Variants in AMOTL1 observed in about 807,000 individuals in gnomAD.
AMOTL1 encodes the protein angiomotin-like protein 1.
AMOTL1 carries 45 observed loss-of-function variants against 102.9 expected under a neutral mutation model. The observed-to-expected ratio is 0.44, with a 90% CI of 0.34 to 0.56. The LOEUF is 0.56. Among genes scored for constraint, AMOTL1 ranks in the 20% least tolerant of loss-of-function variants. The probability of loss-of-function intolerance (pLI) is 0.01; values close to 1 mark genes in which losing one functional copy is unlikely to be tolerated. For missense variants in AMOTL1, 1,114 were observed against 1,225.6 expected (o/e 0.91, Z 1.36); for synonymous variants, 481 against 484.7 (o/e 0.99, Z 0.10).
rs766417060 is a variant in AMOTL1 at position 94,854,076 on chromosome 11, C to A, written c.1938C>A (p.Thr646=). The change falls in exon 8 of 13, where the codon ACC becomes ACA. Residue 646 remains threonine (T), a synonymous_variant. Coordinates refer to ENST00000433060, the MANE Select transcript of AMOTL1 (RefSeq NM_130847.3). ...AGAGAGAGCTGGATGCACTGAGAAC[C>A]CAGCAGGTAAGGAACTGGGCATGGA... ...WLERELDALR[T]QQKHGNGQPA... The A allele has an allele frequency of 1.3e-6, 2 of 1,544,546 alleles. No homozygotes were observed. Among genetic ancestry groups the A allele is most frequent in the South Asian group, 1.2e-5 (1 of 83,136 alleles).
At chr11:94,754,644 A>C (rs1425897029) in intron 3 of AMOTL1, among the ~76,000 whole-genome samples, 1 of 152,172 alleles carries the variant, frequency 6.6e-6, no homozygotes, top group Non-Finnish European at 1.5e-5. Context: ...TTTTACTACT[A>C]TCAGCTTCTT....
chr11:94,788,524 C>G (rs2135547119), intron 1 of AMOTL1, among the ~76,000 whole-genome samples: 1 of 152,330 alleles, frequency 6.6e-6, no homozygotes, highest in East Asian at 1.9e-4. Context: ...CCACATATCT[C>G]TTTCTCCTTG....
At chr11:94,708,452 G>A (rs1323177922) in intron 1 of AMOTL1, among the ~76,000 whole-genome samples, 1 of 152,144 alleles carries the variant, frequency 6.6e-6, no homozygotes, top group African/African-American at 2.4e-5. Flanking sequence ...CCACCTCCCG[G>A]TATGGCTTGG....
intron 3 of AMOTL1, among the ~76,000 whole-genome samples, chr11:94,742,495 C>G (rs1025140243): frequency 1.3e-5 from 2 of 152,180 alleles, no homozygotes; most frequent in Non-Finnish European, 2.9e-5. Context: ...CAGGAAGGCC[C>G]AGGTATTTGA....
intron 3 of AMOTL1, among the ~76,000 whole-genome samples, chr11:94,745,032 T>C (rs1950574247): frequency 6.6e-6 from 1 of 152,220 alleles, no homozygotes; most frequent in Admixed American, 6.5e-5. Flanking sequence ...TCCTTGGCTC[T>C]TGATCTTTAT....
chr11:94,745,029 C>T (rs964965205), intron 3 of AMOTL1, among the ~76,000 whole-genome samples: 1 of 151,996 alleles, frequency 6.6e-6, no homozygotes, highest in Non-Finnish European at 1.5e-5. Context: ...CCTTCCTTGG[C>T]TCTTGATCTT....
Position 94,853,928 on chromosome 11 carries a change from C to G in AMOTL1, c.1795-5C>G. 1 of 1,607,210 alleles carries G rather than the reference C, an allele frequency of 6.2e-7. No individual in the cohort carries two copies. Among genetic ancestry groups the G allele is most frequent in the Non-Finnish European group, 8.5e-7 (1 of 1,176,656 alleles). On this transcript the variant is annotated splice_region_variant and splice_polypyrimidine_tract_variant and intron_variant, in intron 7 of 12. Coordinates refer to ENST00000433060, the MANE Select transcript of AMOTL1 (RefSeq NM_130847.3). ...CTGTGCTCTTTTTTACTCTTCTCCACTCAGTTACGAGAGAAGCAAGCATAT... is the reference window on the plus strand; with the variant it reads ...CTGTGCTCTTTTTTACTCTTCTCCAGTCAGTTACGAGAGAAGCAAGCATAT...
intron 3 of AMOTL1, among the ~76,000 whole-genome samples, chr11:94,807,135 A>G (rs1951580443): frequency 6.6e-6 from 1 of 152,214 alleles, no homozygotes; most frequent in African/African-American, 2.4e-5. Context: ...AGAAATACAG[A>G]TAACTCCCAT....
intron 4 of AMOTL1, among the ~76,000 whole-genome samples, chr11:94,825,217 G>C (rs1387956400): frequency 6.6e-6 from 1 of 152,210 alleles, no homozygotes; most frequent in East Asian, 1.9e-4. Context: ...ACGGGCACTT[G>C]ATGGGAGAGG....
chr11:94,762,962 C>T (rs1950812544), intron 3 of AMOTL1, among the ~76,000 whole-genome samples: 1 of 152,198 alleles, frequency 6.6e-6, no homozygotes, highest in Non-Finnish European at 1.5e-5. Flanking sequence ...ACCTATGTAG[C>T]ATGGTAGCAC....
At chr11:94,775,270 A>G (rs1951010478) in intron 1 of AMOTL1, among the ~76,000 whole-genome samples, 1 of 152,214 alleles carries the variant, frequency 6.6e-6, no homozygotes, top group Non-Finnish European at 1.5e-5. Context: ...TGCAGGGACC[A>G]TGGACATACT....
intron 4 of AMOTL1, among the ~76,000 whole-genome samples, chr11:94,825,841 A>G (rs887898555): frequency 6.6e-6 from 1 of 152,234 alleles, no homozygotes; most frequent in African/African-American, 2.4e-5. Context: ...AGTCTACTTC[A>G]ACTTCCCATT....
At chr11:94,760,006 A>G (rs566513263) in intron 3 of AMOTL1, among the ~76,000 whole-genome samples, 1 of 152,314 alleles carries the variant, frequency 6.6e-6, no homozygotes, top group South Asian at 2.1e-4. Context: ...AGGCCTACCA[A>G]ATCAGAAACT....
At chr11:94,732,249 T>C (rs1244983782) in intron 2 of AMOTL1, among the ~76,000 whole-genome samples, 2 of 152,198 alleles carry the variant, frequency 1.3e-5, no homozygotes, top group Non-Finnish European at 2.9e-5. Flanking sequence ...TTGCATTATC[T>C]TCCAGGGAGT....
In AMOTL1 at chr11:94,870,784, G is replaced by C; in HGVS notation, c.2860G>C (p.Val954Leu). The change falls in exon 13 of 13, where the codon GTC (valine) becomes CTC (leucine). Residue 954 changes from valine to leucine, a missense_variant. Transcript: ENST00000433060. ...PEFPDGEMMEVLI is the reference protein window; with the variant it reads ...PEFPDGEMMELLI ...GTTCCCTGATGGAGAGATGATGGAA[G>C]TCCTCATCTAACTGCCATCCCTGTG... 1 of 1,595,468 alleles carries C rather than the reference G, an allele frequency of 6.3e-7. No individual in the cohort carries two copies. The highest frequency in any genetic ancestry group is 8.6e-7 in the Non-Finnish European group (1 of 1,169,318).
chr11:94,824,634 C>A (rs1326321303), intron 4 of AMOTL1, among the ~76,000 whole-genome samples: 1 of 152,200 alleles, frequency 6.6e-6, no homozygotes, highest in East Asian at 1.9e-4. Context: ...CCCAGCCTTG[C>A]CACTCAGTGT....
At chr11:94,854,409 A>G (rs1317397571) in intron 8 of AMOTL1, among the ~76,000 whole-genome samples, 4 of 152,168 alleles carry the variant, frequency 2.6e-5, no homozygotes, top group African/African-American at 4.8e-5. Flanking sequence ...CAAGAACATC[A>G]TAGGTAGAGG....
chr11:94,738,000 A>G (rs905681851), intron 2 of AMOTL1, among the ~76,000 whole-genome samples: 7 of 152,372 alleles, frequency 4.6e-5, no homozygotes, highest in African/African-American at 1.7e-4. Context: ...AGACAGGATC[A>G]TAGTAGTATG....
intron 3 of AMOTL1, among the ~76,000 whole-genome samples, chr11:94,760,015 C>T (rs1275391885): frequency 6.6e-6 from 1 of 152,214 alleles, no homozygotes; most frequent in African/African-American, 2.4e-5. Context: ...AAATCAGAAA[C>T]TCTGGAGCGG....
Sources: gnomAD v4.1 joint callset for allele counts (sites outside exome capture counted in the v4.1 genomes callset) on GRCh38, gnomAD v4.1.1 for gene constraint, MANE v1.5 for transcripts, NCBI Gene and HGNC (gene_info 2026-07-23, HGNC 2026-07-21) for gene names.